Variants in BLNK observed in about 807,000 individuals in gnomAD.
BLNK encodes B-cell linker protein.
BLNK carries 29 observed loss-of-function variants against 73.5 expected under a neutral mutation model. The ratio of observed to expected loss-of-function variants is 0.39; its 90% CI spans 0.29 to 0.54. The LOEUF (loss-of-function observed/expected upper bound fraction) is 0.54. Among genes scored for constraint, BLNK ranks in the 20% least tolerant of loss-of-function variants. The pLI is 0.61. For missense variants in BLNK, 460 were observed against 562.8 expected, an observed-to-expected ratio of 0.82 and a Z score of 1.85; for synonymous variants, 176 against 200.8, an observed-to-expected ratio of 0.88 and a Z score of 1.04.
At chr10:96,247,151 C>A in intron 1 of BLNK, 102 bp from the exon 2 acceptor site, 1 of 745,552 alleles carries the variant, frequency 1.3e-6, no homozygotes. Context: ...AAAAACTCTA[C>A]CAAAACAACC....
intron 3 of BLNK, among the ~76,000 whole-genome samples, chr10:96,231,083 T>C (rs1217109183): frequency 6.6e-6 from 1 of 152,218 alleles, no homozygotes; most frequent in Non-Finnish European, 1.5e-5. Context: ...TGTGTGGGCT[T>C]TGTTAAGGGA....
At chr10:96,211,653 C>G (rs1305928385) in intron 8 of BLNK, among the ~76,000 whole-genome samples, 2 of 152,176 alleles carry the variant, frequency 1.3e-5, no homozygotes, top group East Asian at 1.9e-4. Flanking sequence ...AGCAATGCCC[C>G]CTCCATGACA....
At chr10:96,264,708 C>T (rs1433727229) in intron 1 of BLNK, among the ~76,000 whole-genome samples, 1 of 152,174 alleles carries the variant, frequency 6.6e-6, no homozygotes, top group Non-Finnish European at 1.5e-5. Flanking sequence ...ACACTGGCCA[C>T]AGGGAGACCA....
At chr10:96,199,592 G>T in intron 15 of BLNK, 2 of 451,160 alleles carry the variant, frequency 4.4e-6, no homozygotes, top group South Asian at 3.2e-5. Flanking sequence ...GAGAGGAGGG[G>T]ATAGCAGTTT....
rs142292110 is a variant in BLNK at position 96,226,486 on chromosome 10, C to T, written c.361+924G>A. ...GCCATGACCATCACAGACATACTTGCTCTCTGAACCTTTGGGGAACTTAGT... is the reference window on the plus strand; with the variant it reads ...GCCATGACCATCACAGACATACTTGTTCTCTGAACCTTTGGGGAACTTAGT... On this transcript the variant is annotated intron_variant, in intron 5 of 16. Coordinates refer to ENST00000224337, the MANE Select transcript of BLNK (RefSeq NM_013314.4). 5.5e-3 allele frequency among the ~76,000 whole-genome samples: 830 copies of T among 152,274 alleles called. 6 individuals are homozygous for T. The highest frequency in any genetic ancestry group is 0.02 in the Middle Eastern group (6 of 294).
chr10:96,255,479 C>T (rs1355214226), intron 1 of BLNK, among the ~76,000 whole-genome samples: 3 of 150,918 alleles, frequency 2.0e-5, no homozygotes, highest in African/African-American at 7.4e-5. Flanking sequence ...CAATGATAGG[C>T]AGGTTTCAGG....
chr10:96,255,718 C>G (rs372086419), intron 1 of BLNK, among the ~76,000 whole-genome samples: 1 of 152,202 alleles, frequency 6.6e-6, no homozygotes, highest in African/African-American at 2.4e-5. Flanking sequence ...GGCTGGTCCT[C>G]CTCTCTGAGC....
Position 96,191,900 on chromosome 10 carries a change from T to C in BLNK, c.*73A>G, listed in dbSNP as rs1436519806. The C allele has an allele frequency of 1.9e-6, 3 of 1,587,712 alleles. No homozygotes were observed. The Admixed American group carries it at 5.0e-5, about 27-fold the overall frequency. On this transcript the variant is annotated 3_prime_UTR_variant, in exon 17 of 17. Coordinates refer to ENST00000224337, the MANE Select transcript of BLNK (RefSeq NM_013314.4). ...ATTCATAATCCAAAATATGAAGTTTTGGGACTTTTTCTCAAAAGGAGAAAC... is the reference window on the plus strand; with the variant it reads ...ATTCATAATCCAAAATATGAAGTTTCGGGACTTTTTCTCAAAAGGAGAAAC...
At chr10:96,237,084 A>G (rs1842717395) in intron 3 of BLNK, among the ~76,000 whole-genome samples, 1 of 152,180 alleles carries the variant, frequency 6.6e-6, no homozygotes, top group African/African-American at 2.4e-5. Context: ...CCCAAGTGTC[A>G]TTCCTCTATT....
intron 16 of BLNK, among the ~76,000 whole-genome samples, chr10:96,194,793 C>T (rs1253204846): frequency 1.1e-4 from 2 of 19,024 alleles, no homozygotes; most frequent in East Asian, 2.3e-3. Context: ...TTTTTTGAGA[C>T]GGAGTCTCGC....
At chr10:96,249,446 G>A (rs1843185591) in intron 1 of BLNK, among the ~76,000 whole-genome samples, 1 of 152,238 alleles carries the variant, frequency 6.6e-6, no homozygotes, top group Non-Finnish European at 1.5e-5. Context: ...TTAATTTAAA[G>A]CTAAACAATG....
intron 7 of BLNK, chr10:96,216,275 C>T: frequency 4.1e-6 from 1 of 244,812 alleles, no homozygotes; most frequent in African/African-American, 2.2e-5. Context: ...TTCATTTTTT[C>T]ACTCCTCTGC....
chr10:96,249,989 C>T (rs549756905), intron 1 of BLNK, among the ~76,000 whole-genome samples: 1 of 152,278 alleles, frequency 6.6e-6, no homozygotes, highest in African/African-American at 2.4e-5. Context: ...GGAGAATTAT[C>T]TACGTAAGTG....
chr10:96,229,769 A>T (rs925092771), intron 4 of BLNK, among the ~76,000 whole-genome samples: 4 of 151,612 alleles, frequency 2.6e-5, no homozygotes, highest in Non-Finnish European at 5.9e-5. Context: ...GGGCCCCAGG[A>T]GGAGCTCCAT....
intron 1 of BLNK, among the ~76,000 whole-genome samples, chr10:96,262,376 C>T (rs1346250762): frequency 6.6e-6 from 1 of 152,132 alleles, no homozygotes; most frequent in East Asian, 1.9e-4. Context: ...CTCTTACTCT[C>T]CGGTATACAG....
At chr10:96,251,413 T>A (rs1226628625) in intron 1 of BLNK, among the ~76,000 whole-genome samples, 1 of 152,262 alleles carries the variant, frequency 6.6e-6, no homozygotes, top group Non-Finnish European at 1.5e-5. Context: ...CAGGAGGGGT[T>A]GTTCTGGATT....
chr10:96,253,218 C>T (rs1392365708), intron 1 of BLNK, among the ~76,000 whole-genome samples: 5 of 152,190 alleles, frequency 3.3e-5, no homozygotes, highest in Non-Finnish European at 4.4e-5. Flanking sequence ...CATAAGTGAG[C>T]ACCATCCTTA....
intron 6 of BLNK, among the ~76,000 whole-genome samples, chr10:96,218,726 G>T (rs1367022245): frequency 5.3e-5 from 8 of 150,130 alleles, no homozygotes; most frequent in Non-Finnish European, 8.8e-5. Context: ...AACTCAAGCA[G>T]TTCAATAATT....
At chr10:96,244,725 G>C (rs376345323) in intron 2 of BLNK, among the ~76,000 whole-genome samples, 2 of 152,116 alleles carry the variant, frequency 1.3e-5, no homozygotes, top group Non-Finnish European at 2.9e-5. Context: ...GAAGAAACAT[G>C]GTTTGTCATG....
Sources: gnomAD v4.1 joint callset for allele counts (sites outside exome capture counted in the v4.1 genomes callset) on GRCh38, gnomAD v4.1.1 for gene constraint, MANE v1.5 for transcripts, NCBI Gene and HGNC (gene_info 2026-07-23, HGNC 2026-07-21) for gene names.